WFDC3: variants seen among roughly 807,000 people sequenced by gnomAD.
WFDC3 encodes the protein WAP four-disulfide core domain 3.
A neutral mutation model predicts 25.8 loss-of-function variants in WFDC3; 15 were observed. The observed-to-expected ratio is 0.58, with a 90% confidence interval of 0.39 to 0.89. The LOEUF (loss-of-function observed/expected upper bound fraction) is 0.89, where lower values mean the gene tolerates loss of function less well. Ranked by LOEUF, WFDC3 falls within the 40% of genes least tolerant of loss-of-function variation. The pLI, the probability that WFDC3 is intolerant of heterozygous loss-of-function variation, is 0.00. For missense variants in WFDC3, 264 were observed against 289.8 expected (o/e 0.91, Z 0.65); for synonymous variants, 103 against 107.1 (o/e 0.96, Z 0.24).
At chr20:45,776,088 T>A (rs1010798318) in intron 5 of WFDC3, among the ~76,000 whole-genome samples, 1 of 152,170 alleles carries the variant, frequency 6.6e-6, no homozygotes, top group African/African-American at 2.4e-5. Context: ...TCTTGCCTGA[T>A]GGGCTATAAG....
rs780376361 is a variant in WFDC3 at position 45,787,826 on chromosome 20, C to A, written c.358+10G>T. The A allele has an allele frequency of 4.4e-6, 7 of 1,609,082 alleles. No homozygotes were observed. In the East Asian group the frequency reaches 1.3e-4, roughly 31 times the overall value. ...AACAGACCATGAGGTGTGGGGACAG[C>A]GTTTCTTACCCAGCTTCTGTTTAGA... On this transcript the variant is annotated intron_variant, in intron 4 of 6. Coordinates refer to ENST00000243938, the MANE Select transcript of WFDC3 (RefSeq NM_080614.2).
At chr20:45,791,304 T>C (rs1297535923) in intron 1 of WFDC3, among the ~76,000 whole-genome samples, 1 of 146,084 alleles carries the variant, frequency 6.8e-6, no homozygotes, top group African/African-American at 2.5e-5. Context: ...GTGCTTTTTT[T>C]TTTTTTTTTT....
Position 45,775,605 on chromosome 20 carries a change from G to A in WFDC3, c.494-3C>T, listed in dbSNP as rs775897485. ...TTTTGGACAATCACCGCCCCGCCCTGTGGGAACAACAGGCACAGGAAAAGG... is the reference window on the plus strand; with the variant it reads ...TTTTGGACAATCACCGCCCCGCCCTATGGGAACAACAGGCACAGGAAAAGG... On this transcript the variant is annotated splice_region_variant and splice_polypyrimidine_tract_variant and intron_variant, in intron 5 of 6. Coordinates refer to ENST00000243938, the MANE Select transcript of WFDC3 (RefSeq NM_080614.2). 3 of 1,614,048 alleles carry A rather than the reference G, an allele frequency of 1.9e-6. No individual in the cohort carries two copies. Among genetic ancestry groups the A allele is most frequent in the Admixed American group, 3.3e-5 (2 of 60,022 alleles).
chr20:45,783,029 T>C (rs1980516861), intron 4 of WFDC3, among the ~76,000 whole-genome samples: 2 of 150,060 alleles, frequency 1.3e-5, no homozygotes, highest in Non-Finnish European at 3.0e-5. Context: ...CATCTTGGGG[T>C]TATTATGTAT....
chr20:45,777,295 G>A, intron 4 of WFDC3, 86 bp from the exon 5 acceptor site: 12 of 1,177,834 alleles, frequency 1.0e-5, no homozygotes, highest in Non-Finnish European at 1.3e-5. Context: ...TTTATATATA[G>A]TTATATATTT....
At chr20:45,788,789 AC>A in intron 3 of WFDC3, 141 bp downstream of exon 3, 1 of 1,128,522 alleles carries the variant, frequency 8.9e-7, no homozygotes, top group Admixed American at 2.8e-5. Context: ...AGGAGGAGGG[AC>A]CCTAAAAGAG....
chr20:45,774,942 C>CAAA (rs3080049), intron 6 of WFDC3, among the ~76,000 whole-genome samples: 2 of 118,190 alleles, frequency 1.7e-5, no homozygotes, highest in African/African-American at 3.3e-5. Flanking sequence ...AACTCCATCT[C>CAAA]AAAAAAAAAA....
Position 45,787,981 on chromosome 20 carries a change from C to A in WFDC3, c.213G>T (p.Gly71=). ...CGRICRDIPK[G]RKRDCPRVIR... ...TAACCCTAGGGCAATCTCTTTTCCT[C>A]CCTGTAGCAAAAAGGGAGACAGCAA... is the stretch of plus-strand genomic sequence containing the variant. The change falls in exon 4 of 7, where the codon GGG becomes GGT. Residue 71 remains glycine (G), a splice_region_variant and synonymous_variant. Coordinates refer to ENST00000243938, the MANE Select transcript of WFDC3 (RefSeq NM_080614.2). The A allele has an allele frequency of 6.2e-7, 1 of 1,610,618 alleles. No individual in the cohort carries two copies. Among genetic ancestry groups the A allele is most frequent in the Non-Finnish European group, 8.5e-7 (1 of 1,178,832 alleles).
chr20:45,778,335 C>T (rs1021877624), intron 4 of WFDC3, among the ~76,000 whole-genome samples: 1 of 152,148 alleles, frequency 6.6e-6, no homozygotes, highest in Non-Finnish European at 1.5e-5. Flanking sequence ...ATGAACTGCC[C>T]AGCCAAGCTC....
chr20:45,784,331 T>C (rs972885471), intron 4 of WFDC3, among the ~76,000 whole-genome samples: 4 of 152,160 alleles, frequency 2.6e-5, no homozygotes, highest in Non-Finnish European at 4.4e-5. Flanking sequence ...GCCTCCTACC[T>C]GGAGAGGTTT....
intron 4 of WFDC3, among the ~76,000 whole-genome samples, chr20:45,782,168 A>G (rs1980474600): frequency 6.6e-6 from 1 of 152,140 alleles, no homozygotes; most frequent in Non-Finnish European, 1.5e-5. Context: ...CTCTTCCCCC[A>G]GGTTGTCCCT....
At chr20:45,790,501 G>A (rs1380564723) in intron 1 of WFDC3, among the ~76,000 whole-genome samples, 31 of 152,260 alleles carry the variant, frequency 2.0e-4, no homozygotes, top group Admixed American at 2.0e-3. Context: ...AAGGCGGGCA[G>A]ATCACCTGAG....
At chr20:45,788,879 C>T in intron 3 of WFDC3, 52 bp downstream of exon 3, 2 of 1,563,298 alleles carry the variant, frequency 1.3e-6, no homozygotes, top group Non-Finnish European at 1.7e-6. Flanking sequence ...CCATCTATCC[C>T]AGAGGCAATG....
chr20:45,790,912 T>C (rs763215536), intron 1 of WFDC3: 30 of 471,022 alleles, frequency 6.4e-5, no homozygotes, highest in Non-Finnish European at 1.0e-4. Context: ...ATGACTCAAA[T>C]AGTCTGCCCA....
intron 4 of WFDC3, among the ~76,000 whole-genome samples, chr20:45,780,068 T>G (rs1387065155): frequency 7.3e-6 from 1 of 136,560 alleles, no homozygotes; most frequent in South Asian, 2.3e-4. Flanking sequence ...TATACCTTTT[T>G]TTTTTTTTTT....
chr20:45,776,636 ATATAT>A lies in WFDC3; in HGVS notation c.493+434_493+438del, dbSNP rs1189785166. 4.1e-3 allele frequency among the ~76,000 whole-genome samples: 319 copies of A among 78,344 alleles called. 4 individuals carry two copies. Among genetic ancestry groups the A allele is most frequent in the African/African-American group, 0.014 (294 of 21,090 alleles). The allele number at this position is 78,344 out of a possible 152,430, so 51.4% of individuals were successfully genotyped here. ...AAGAAAAAAAAGAAAAAAAAAAAAA[ATATAT>A]ATATATATATATATATATATGTGTG... is the stretch of plus-strand genomic sequence containing the variant. On this transcript the variant is annotated intron_variant, in intron 5 of 6. Coordinates refer to ENST00000243938, the MANE Select transcript of WFDC3 (RefSeq NM_080614.2).
At chr20:45,781,747 T>C (rs1210195841) in intron 4 of WFDC3, among the ~76,000 whole-genome samples, 1 of 152,150 alleles carries the variant, frequency 6.6e-6, no homozygotes, top group East Asian at 1.9e-4. Context: ...TTCCAGACTC[T>C]CAGAAGGAAA....
At chr20:45,786,517 AC>A (rs1209222598) in intron 4 of WFDC3, among the ~76,000 whole-genome samples, 2 of 152,138 alleles carry the variant, frequency 1.3e-5, no homozygotes, top group Non-Finnish European at 2.9e-5. Context: ...TATTTGTTAA[AC>A]CTCTTTCTCT....
At chr20:45,778,333 C>T (rs770255340) in intron 4 of WFDC3, among the ~76,000 whole-genome samples, 34 of 152,144 alleles carry the variant, frequency 2.2e-4, no homozygotes, top group Non-Finnish European at 4.1e-4. Flanking sequence ...ATATGAACTG[C>T]CCAGCCAAGC....
Sources: gnomAD v4.1 joint callset for allele counts (sites outside exome capture counted in the v4.1 genomes callset) on GRCh38, gnomAD v4.1.1 for gene constraint, MANE v1.5 for transcripts, NCBI Gene and HGNC (gene_info 2026-07-23, HGNC 2026-07-21) for gene names.